Variants in PVT1 observed in about 807,000 individuals in gnomAD.
The protein encoded by PVT1 is Pvt1 oncogene, also known as CXCR4/PVT1 fusion.
chr8:128,058,219 A>G (rs1441044906), intron 4 of PVT1, among the ~76,000 whole-genome samples: 2 of 152,210 alleles, frequency 1.3e-5, no homozygotes, highest in South Asian at 2.1e-4. Context: ...AAATTAATGA[A>G]TAGTGATTCG....
intron 4 of PVT1, among the ~76,000 whole-genome samples, chr8:128,019,911 G>A (rs1481345164): frequency 6.6e-6 from 1 of 152,202 alleles, no homozygotes; most frequent in African/African-American, 2.4e-5. Flanking sequence ...TTCTAAATAT[G>A]TTCTTCCAAT....
chr8:128,072,866 C>T (rs1408089723), intron 5 of PVT1, among the ~76,000 whole-genome samples: 2 of 151,880 alleles, frequency 1.3e-5, no homozygotes, highest in Non-Finnish European at 2.9e-5. Flanking sequence ...GACAGAGTCT[C>T]ACTGTTGCCC....
At chr8:127,848,473 C>T (rs1445521936) in intron 2 of PVT1, among the ~76,000 whole-genome samples, 2 of 151,902 alleles carry the variant, frequency 1.3e-5, no homozygotes, top group Non-Finnish European at 2.9e-5. Context: ...CACCTGAGGT[C>T]GGGAGTTCAA....
rs370607782 is a variant in PVT1 at position 127,838,047 on chromosome 8, G to A, written n.372+41976G>A. 7.9e-5 allele frequency among the ~76,000 whole-genome samples: 12 copies of A among 151,878 alleles called. No homozygotes were observed. In the East Asian group the frequency reaches 1.4e-3, roughly 17 times the overall value. On this transcript the variant is annotated intron_variant and non_coding_transcript_variant, in intron 2 of 10. Transcript: ENST00000651587. ...TGAATAGCTGGGATTACAGGCATGC[G>A]CCACCATGCCCGGCTAATTTTGTAT...
At chr8:127,950,534 A>T (rs1816494236) in intron 3 of PVT1, among the ~76,000 whole-genome samples, 1 of 152,150 alleles carries the variant, frequency 6.6e-6, no homozygotes, top group Admixed American at 6.5e-5. Context: ...TCAAATAAGC[A>T]CCGGGGCCCA....
At chr8:127,913,932 C>G (rs1260482543) in intron 3 of PVT1, among the ~76,000 whole-genome samples, 1 of 152,040 alleles carries the variant, frequency 6.6e-6, no homozygotes, top group Non-Finnish European at 1.5e-5. Flanking sequence ...CTCTCCAGGC[C>G]CACATGCAGA....
intron 2 of PVT1, among the ~76,000 whole-genome samples, chr8:127,888,264 G>A (rs1233472832): frequency 2.0e-5 from 3 of 152,162 alleles, no homozygotes; most frequent in Admixed American, 1.3e-4. Flanking sequence ...AGAAGAAAAC[G>A]TACCTTACTG....
intron 5 of PVT1, among the ~76,000 whole-genome samples, chr8:128,073,417 A>T (rs781220761): frequency 2.0e-5 from 3 of 152,114 alleles, no homozygotes; most frequent in Non-Finnish European, 2.9e-5. Flanking sequence ...CCCGATATAG[A>T]ATCACACACC....
chr8:128,045,455 C>A (rs1481495057), intron 4 of PVT1, among the ~76,000 whole-genome samples: 1 of 152,200 alleles, frequency 6.6e-6, no homozygotes, highest in Non-Finnish European at 1.5e-5. Flanking sequence ...ATCTTTATTT[C>A]ACTACTGAAG....
intron 3 of PVT1, chr8:127,947,275 C>G (rs1816432831): frequency 4.9e-6 from 1 of 203,144 alleles, no homozygotes; most frequent in South Asian, 9.9e-5. Flanking sequence ...AATGTCTGCA[C>G]TCTTATTCTC....
chr8:127,995,816 A>C (rs1817097882), intron 4 of PVT1, among the ~76,000 whole-genome samples: 1 of 152,122 alleles, frequency 6.6e-6, no homozygotes, highest in South Asian at 2.1e-4. Flanking sequence ...TACGTAATAT[A>C]CTCCAGTTTG....
chr8:128,021,155 A>G (rs1392042204), intron 4 of PVT1, among the ~76,000 whole-genome samples: 1 of 151,814 alleles, frequency 6.6e-6, no homozygotes, highest in East Asian at 1.9e-4. Context: ...CTTTGCTTCC[A>G]TCGCTCCCTA....
chr8:127,852,742 G>A (rs557475374), intron 2 of PVT1, among the ~76,000 whole-genome samples: 1 of 152,250 alleles, frequency 6.6e-6, no homozygotes, highest in East Asian at 1.9e-4. Flanking sequence ...CAAGAAGCCT[G>A]CCCAGCCCTC....
At chr8:128,037,614 A>G (rs1414245577) in intron 4 of PVT1, among the ~76,000 whole-genome samples, 1 of 152,202 alleles carries the variant, frequency 6.6e-6, no homozygotes, top group African/African-American at 2.4e-5. Flanking sequence ...AGCTGTGCCC[A>G]CAGACAGAGG....
chr8:128,098,109 C>T (rs1316069889), intron 6 of PVT1, among the ~76,000 whole-genome samples: 8 of 152,136 alleles, frequency 5.3e-5, no homozygotes, highest in Non-Finnish European at 1.2e-4. Flanking sequence ...TGTGTCCCCT[C>T]TACTCTCTGC....
chr8:128,014,270 A>G (rs1397786529), intron 4 of PVT1, among the ~76,000 whole-genome samples: 5 of 152,208 alleles, frequency 3.3e-5, no homozygotes, highest in Non-Finnish European at 5.9e-5. Context: ...CTGTGGATTT[A>G]TCCTCATCTC....
chr8:127,844,995 G>A (rs994645717), intron 2 of PVT1, among the ~76,000 whole-genome samples: 1 of 152,140 alleles, frequency 6.6e-6, no homozygotes, highest in Non-Finnish European at 1.5e-5. Flanking sequence ...TTACAGGCGT[G>A]AGCTACCACG....
At chr8:128,006,545 G>GT (rs1393921259) in intron 4 of PVT1, among the ~76,000 whole-genome samples, 1 of 152,048 alleles carries the variant, frequency 6.6e-6, no homozygotes, top group African/African-American at 2.4e-5. Context: ...TTGGACCTAT[G>GT]TAAGTATCTT....
intron 4 of PVT1, among the ~76,000 whole-genome samples, chr8:128,026,232 C>T (rs771755777): frequency 9.2e-5 from 14 of 152,144 alleles, no homozygotes; most frequent in Non-Finnish European, 1.8e-4. Context: ...CGTGAGCCAC[C>T]GCACCCAGTC....
Sources: allele counts gnomAD v4.1 joint callset (sites outside exome capture counted in the v4.1 genomes callset), GRCh38; gene constraint gnomAD v4.1.1; transcripts MANE v1.5; gene names NCBI Gene and HGNC (gene_info 2026-07-23, HGNC 2026-07-21).